PPFIBP1: variants seen among roughly 807,000 people sequenced by gnomAD.
PPFIBP1 encodes the protein PPFIB scaffold protein 1.
PPFIBP1 carries 112 observed loss-of-function variants against 137.8 expected under a neutral mutation model. The observed-to-expected ratio is 0.81, with a 90% confidence interval of 0.70 to 0.95. The LOEUF is 0.95. Among genes scored for constraint, PPFIBP1 ranks in the 40% least tolerant of loss-of-function variants. The pLI is 0.00. For missense variants in PPFIBP1, 1,083 were observed against 1,196.6 expected (o/e 0.91, Z 1.40); for synonymous variants, 378 against 417.3 (o/e 0.91, Z 1.15).
At chr12:27,602,931 T>C (rs1405392833) in intron 2 of PPFIBP1, among the ~76,000 whole-genome samples, 1 of 152,226 alleles carries the variant, frequency 6.6e-6, no homozygotes, top group African/African-American at 2.4e-5. Context: ...TATTGAATTC[T>C]CCAATATGCT....
intron 4 of PPFIBP1, chr12:27,635,468 A>T (rs1199027181): frequency 2.2e-5 from 8 of 372,026 alleles, no homozygotes; most frequent in Non-Finnish European, 9.7e-6. Flanking sequence ...TATTCACCAT[A>T]AAGGATCCAA....
chr12:27,589,629 G>A (rs976604892), intron 2 of PPFIBP1, among the ~76,000 whole-genome samples: 28 of 152,334 alleles, frequency 1.8e-4, no homozygotes, highest in African/African-American at 6.0e-4. Context: ...TGCCAAGCAG[G>A]TTTATGAAAC....
intron 2 of PPFIBP1, among the ~76,000 whole-genome samples, chr12:27,587,747 C>G (rs921023914): frequency 6.6e-6 from 1 of 150,920 alleles, no homozygotes; most frequent in Non-Finnish European, 1.5e-5. Context: ...TTTGTTTTCT[C>G]TCTGTCTTTT....
At chr12:27,679,746 A>G in intron 20 of PPFIBP1, 107 bp downstream of exon 20, 1 of 1,430,406 alleles carries the variant, frequency 7.0e-7, no homozygotes, top group Non-Finnish European at 9.5e-7. Flanking sequence ...CTCTTATGGA[A>G]GGAAGTTTGG....
intron 11 of PPFIBP1, among the ~76,000 whole-genome samples, chr12:27,661,160 G>A (rs983735779): frequency 6.6e-6 from 1 of 152,156 alleles, no homozygotes; most frequent in African/African-American, 2.4e-5. Flanking sequence ...CACGAATTCA[G>A]AAAATGTTCA....
chr12:27,595,864 AC>A (rs2053165460), intron 2 of PPFIBP1, among the ~76,000 whole-genome samples: 1 of 84,734 alleles, frequency 1.2e-5, no homozygotes, highest in South Asian at 4.1e-4. Context: ...AACAACAACA[AC>A]AACAACAACA....
intron 4 of PPFIBP1, among the ~76,000 whole-genome samples, chr12:27,640,591 C>G (rs1458699572): frequency 2.1e-5 from 3 of 143,060 alleles, no homozygotes; most frequent in Admixed American, 7.0e-5. Context: ...ACCCGCCCCC[C>G]ACCCCCGGGT....
chr12:27,559,027 G>A (rs1239874993), intron 1 of PPFIBP1, among the ~76,000 whole-genome samples: 1 of 151,862 alleles, frequency 6.6e-6, no homozygotes, highest in Non-Finnish European at 1.5e-5. Context: ...ACCTGACTAA[G>A]TTTTTTATTT....
intron 1 of PPFIBP1, among the ~76,000 whole-genome samples, chr12:27,563,880 T>C (rs1200659814): frequency 6.6e-6 from 1 of 151,742 alleles, no homozygotes; most frequent in Non-Finnish European, 1.5e-5. Flanking sequence ...TTTTTTTTTT[T>C]TTTCTTTTTT....
intron 13 of PPFIBP1, among the ~76,000 whole-genome samples, chr12:27,668,508 T>G (rs978343250): frequency 6.6e-6 from 1 of 152,244 alleles, no homozygotes; most frequent in Non-Finnish European, 1.5e-5. Flanking sequence ...ATGCTTCCTT[T>G]GCCTATATTT....
chr12:27,682,846 A>T, intron 24 of PPFIBP1, 143 bp downstream of exon 24: 1 of 1,366,944 alleles, frequency 7.3e-7, no homozygotes, highest in Non-Finnish European at 9.9e-7. Flanking sequence ...AGTGGCAGGC[A>T]TATTTCCCAT....
At chr12:27,539,199 G>A (rs949006882) in intron 1 of PPFIBP1, among the ~76,000 whole-genome samples, 1 of 152,178 alleles carries the variant, frequency 6.6e-6, no homozygotes, top group African/African-American at 2.4e-5. Context: ...ACTTTGAAAG[G>A]CAAACACCAA....
At chr12:27,620,662 GGTGCCTCAGTTTGATCACTTTCT>G (rs2056257300) in intron 2 of PPFIBP1, among the ~76,000 whole-genome samples, 2 of 152,080 alleles carry the variant, frequency 1.3e-5, no homozygotes, top group South Asian at 2.1e-4. Flanking sequence ...TGTGTGACTT[GGTGCCTCAGTTTGATCACTTTCT>G]GTGCCTCAGT....
chr12:27,564,686 T>G (rs952987873), intron 1 of PPFIBP1, among the ~76,000 whole-genome samples: 3 of 152,200 alleles, frequency 2.0e-5, no homozygotes, highest in Non-Finnish European at 4.4e-5. Flanking sequence ...AGGTAATATT[T>G]TCGAGTTCCT....
At chr12:27,642,127 A>T (rs781340534) in intron 4 of PPFIBP1, among the ~76,000 whole-genome samples, 2 of 152,218 alleles carry the variant, frequency 1.3e-5, no homozygotes, top group Non-Finnish European at 2.9e-5. Context: ...ATGAGGGATA[A>T]AGCGTTTTAG....
chr12:27,667,712 T>C (rs186961185), intron 13 of PPFIBP1, among the ~76,000 whole-genome samples: 1 of 152,366 alleles, frequency 6.6e-6, no homozygotes, highest in Admixed American at 6.5e-5. Flanking sequence ...TCGTCTCTGC[T>C]CTACTTGGCA....
chr12:27,633,559 T>A (rs902711059), intron 3 of PPFIBP1, 99 bp downstream of exon 3: 22 of 1,027,026 alleles, frequency 2.1e-5, no homozygotes, highest in Non-Finnish European at 2.8e-6. Context: ...TTATTTTCAT[T>A]TTTTAGACCT....
intron 1 of PPFIBP1, among the ~76,000 whole-genome samples, chr12:27,544,862 G>T (rs1946063685): frequency 6.6e-6 from 1 of 152,152 alleles, no homozygotes; most frequent in Admixed American, 6.5e-5. Flanking sequence ...AATACCATTT[G>T]ACCCAGCAAT....
intron 10 of PPFIBP1, among the ~76,000 whole-genome samples, chr12:27,659,464 T>C (rs1340301623): frequency 2.0e-5 from 3 of 151,380 alleles, no homozygotes; most frequent in Non-Finnish European, 2.9e-5. Context: ...AAATTTAAAA[T>C]TAGCTGAGCA....
Sources: allele counts gnomAD v4.1 joint callset (sites outside exome capture counted in the v4.1 genomes callset), GRCh38; gene constraint gnomAD v4.1.1; transcripts MANE v1.5; gene names NCBI Gene and HGNC (gene_info 2026-07-23, HGNC 2026-07-21).